Variants in SH3RF1 observed in about 807,000 individuals in gnomAD.
SH3RF1 encodes SH3 domain containing ring finger 1.
In SH3RF1, 32 loss-of-function variants were observed where a neutral mutation model predicts 74.0. That is an observed-to-expected ratio of 0.43 (90% CI 0.33 to 0.58). SH3RF1 has a LOEUF of 0.58. SH3RF1 is among the 20% of genes least tolerant of loss of function. The probability of loss-of-function intolerance (pLI) is 0.05; values close to 1 mark genes in which losing one functional copy is unlikely to be tolerated. For missense variants in SH3RF1, 954 were observed against 1,130.9 expected (o/e 0.84, Z 2.24); for synonymous variants, 396 against 439.6 (o/e 0.90, Z 1.24).
chr4:169,268,763 G>GA, intron 2 of SH3RF1, 57 bp downstream of exon 2: 2 of 1,505,894 alleles, frequency 1.3e-6, no homozygotes, highest in Non-Finnish European at 1.8e-6. Context: ...AAAGAATAAA[G>GA]AAAAAATGTG....
intron 2 of SH3RF1, among the ~76,000 whole-genome samples, chr4:169,188,174 G>A (rs1056221119): frequency 6.6e-6 from 1 of 152,170 alleles, no homozygotes; most frequent in African/African-American, 2.4e-5. Flanking sequence ...AATTTCTGTT[G>A]TTTTAATCTA....
chr4:169,217,752 T>A (rs1458339869), intron 2 of SH3RF1, among the ~76,000 whole-genome samples: 1 of 152,116 alleles, frequency 6.6e-6, no homozygotes, highest in Non-Finnish European at 1.5e-5. Flanking sequence ...CTAAAAAAAC[T>A]CTATAGATGG....
chr4:169,150,380 A>G (rs952148493), intron 4 of SH3RF1, among the ~76,000 whole-genome samples: 4 of 152,170 alleles, frequency 2.6e-5, no homozygotes, highest in African/African-American at 9.6e-5. Context: ...ACAAAATTGT[A>G]TATCTTTATC....
chr4:169,171,355 G>A (rs1318412117), intron 2 of SH3RF1, among the ~76,000 whole-genome samples: 1 of 152,140 alleles, frequency 6.6e-6, no homozygotes, highest in Non-Finnish European at 1.5e-5. Flanking sequence ...TGTTGAGTTT[G>A]TTTCTCTTTT....
At chr4:169,217,797 T>G (rs1730491238) in intron 2 of SH3RF1, among the ~76,000 whole-genome samples, 1 of 152,116 alleles carries the variant, frequency 6.6e-6, no homozygotes, top group Non-Finnish European at 1.5e-5. Flanking sequence ...ACAATGTGAA[T>G]GTACTTAATG....
intron 11 of SH3RF1, among the ~76,000 whole-genome samples, chr4:169,106,008 ATT>A (rs35495176): frequency 6.6e-6 from 1 of 150,946 alleles, no homozygotes; most frequent in Admixed American, 6.6e-5. Flanking sequence ...TTTTTTTGCA[ATT>A]TTTTTTTAGC....
At chr4:169,133,357 C>T (rs1733648035) in intron 5 of SH3RF1, among the ~76,000 whole-genome samples, 1 of 152,158 alleles carries the variant, frequency 6.6e-6, no homozygotes, top group African/African-American at 2.4e-5. Flanking sequence ...CACCTGTAAT[C>T]CCAGCTACTC....
intron 5 of SH3RF1, among the ~76,000 whole-genome samples, chr4:169,132,710 G>A (rs1733638817): frequency 6.6e-6 from 1 of 151,960 alleles, no homozygotes; most frequent in Non-Finnish European, 1.5e-5. Flanking sequence ...AAAGGAGGTG[G>A]GGGTGGGGGT....
chr4:169,189,458 C>T (rs943693810), intron 2 of SH3RF1, among the ~76,000 whole-genome samples: 5 of 152,192 alleles, frequency 3.3e-5, no homozygotes, highest in Non-Finnish European at 5.9e-5. Flanking sequence ...AAAGCCAGAA[C>T]AAGATCCATG....
chr4:169,256,717 C>G (rs968412720), intron 2 of SH3RF1, among the ~76,000 whole-genome samples: 3 of 152,120 alleles, frequency 2.0e-5, no homozygotes, highest in African/African-American at 7.2e-5. Context: ...CAGCCTCAGC[C>G]TCCTGAGGAG....
intron 11 of SH3RF1, among the ~76,000 whole-genome samples, chr4:169,098,412 T>C (rs2126933174): frequency 6.6e-6 from 1 of 152,276 alleles, no homozygotes; most frequent in African/African-American, 2.4e-5. Context: ...CTGAAACCTA[T>C]TACAGCCTGC....
chr4:169,131,322 G>A (rs1274849918), intron 5 of SH3RF1, among the ~76,000 whole-genome samples: 1 of 152,124 alleles, frequency 6.6e-6, no homozygotes, highest in East Asian at 1.9e-4. Flanking sequence ...AGTAGATCCA[G>A]GGGGTGGCAC....
At chr4:169,102,915 CT>C (rs66574732) in intron 11 of SH3RF1, among the ~76,000 whole-genome samples, 8,350 of 66,022 alleles carry the variant, frequency 0.13, 76 homozygotes, top group African/African-American at 0.14. Flanking sequence ...CAGTCACATT[CT>C]TTTTTTTTTT....
chr4:169,213,670 C>T (rs1019631486), intron 2 of SH3RF1, among the ~76,000 whole-genome samples: 1 of 152,134 alleles, frequency 6.6e-6, no homozygotes, highest in Admixed American at 6.5e-5. Context: ...GATCTGTGGT[C>T]CATTTTGAAT....
intron 2 of SH3RF1, among the ~76,000 whole-genome samples, chr4:169,188,750 T>C (rs372273245): frequency 3.5e-4 from 53 of 152,364 alleles, no homozygotes; most frequent in African/African-American, 1.1e-3. Context: ...AAAAGCTTTA[T>C]GCAGAAGTGG....
intron 6 of SH3RF1, among the ~76,000 whole-genome samples, chr4:169,124,734 G>C (rs1733497251): frequency 6.6e-6 from 1 of 152,230 alleles, no homozygotes; most frequent in South Asian, 2.1e-4. Context: ...GGTGACTCCA[G>C]AGCTGTGACA....
In SH3RF1 at chr4:169,095,760, G is replaced by A. The variant is rs1409605677; in HGVS notation, c.*759C>T. ...ATACATTTTGTTCAAGGGTTGTGCT[G>A]TATTCTTTCTCATTGTTTCAGTCAC... is the stretch of plus-strand genomic sequence containing the variant. On this transcript the variant is annotated 3_prime_UTR_variant, in exon 12 of 12. Coordinates refer to ENST00000284637, the MANE Select transcript of SH3RF1 (RefSeq NM_020870.4). 1 of 152,478 alleles carries A rather than the reference G, an allele frequency of 6.6e-6. No homozygotes were observed. The highest frequency in any genetic ancestry group is 6.5e-5 in the Admixed American group (1 of 15,276). The allele number at this position is 152,478 out of a possible 1,614,324, so 9.4% of individuals were successfully genotyped here. A position where few individuals can be genotyped will look rare whatever the true frequency, so the allele number is the denominator to read the frequency against.
chr4:169,117,484 C>T, intron 9 of SH3RF1, 39 bp downstream of exon 9: 5 of 1,604,806 alleles, frequency 3.1e-6, no homozygotes, highest in Non-Finnish European at 4.3e-6. Context: ...GCAGGTAAGC[C>T]CTTTATCCTG....
intron 2 of SH3RF1, among the ~76,000 whole-genome samples, chr4:169,167,279 C>A: frequency 1.3e-5 from 2 of 152,168 alleles, no homozygotes; most frequent in East Asian, 1.9e-4. Flanking sequence ...TATTATAATG[C>A]GTTCATTAGA....
Sources: gnomAD v4.1 joint callset for allele counts (sites outside exome capture counted in the v4.1 genomes callset) on GRCh38, gnomAD v4.1.1 for gene constraint, MANE v1.5 for transcripts, NCBI Gene and HGNC (gene_info 2026-07-23, HGNC 2026-07-21) for gene names.